The following SPTBN1 variants were observed in gnomAD, a reference collection of about 807,000 sequenced individuals.
SPTBN1 encodes spectrin beta, non-erythrocytic 1.
SPTBN1 carries 32 observed loss-of-function variants against 266.4 expected under a neutral mutation model. The observed-to-expected ratio is 0.12, with a 90% CI of 0.09 to 0.16. The LOEUF (loss-of-function observed/expected upper bound fraction) is 0.16. SPTBN1 is among the 10% of genes least tolerant of loss of function. The probability of loss-of-function intolerance (pLI) is 1.00; values close to 1 mark genes in which losing one functional copy is unlikely to be tolerated. For missense variants in SPTBN1, 2,296 were observed against 3,067.1 expected, an observed-to-expected ratio of 0.75 and a Z score of 5.94; for synonymous variants, 1,336 against 1,162.2, an observed-to-expected ratio of 1.15 and a Z score of -3.04.
chr2:54,490,971 C>T (rs994265455), intron 1 of SPTBN1, among the ~76,000 whole-genome samples: 2 of 152,138 alleles, frequency 1.3e-5, no homozygotes, highest in South Asian at 4.2e-4. Context: ...GAGGTTTTAC[C>T]CAAAAGACAA....
At chr2:54,598,797 G>C (rs1676276174) in intron 2 of SPTBN1, among the ~76,000 whole-genome samples, 1 of 152,200 alleles carries the variant, frequency 6.6e-6, no homozygotes, top group South Asian at 2.1e-4. Context: ...TGCTGGCAGT[G>C]TGCCTGGGAG....
Position 54,630,011 on chromosome 2 carries a change from A to T in SPTBN1, c.2789A>T (p.Gln930Leu). The change falls in exon 15 of 36, where the codon CAG becomes CTG. Residue 930 changes from glutamine to leucine, a missense_variant. Physicochemically the swap from Gln to Leu is moderately radical, Grantham distance 113. This residue lies in a region of SPTBN1 where 128 missense variants were observed against 176.5 expected (regional missense o/e 0.73). Coordinates refer to ENST00000356805, the MANE Select transcript of SPTBN1 (RefSeq NM_003128.3). ...HPSEKEIKAQ[Q>L]DKLNTRWSQF... The stretch of plus-strand genomic sequence containing the variant: ...AGTGAGAAGGAAATCAAAGCCCAGC[A>T]GGACAAACTCAACACAAGGTGAGCA... 1 of 1,614,010 alleles carries T rather than the reference A, an allele frequency of 6.2e-7. No individual in the cohort carries two copies. The highest frequency in any genetic ancestry group is 8.5e-7 in the Non-Finnish European group (1 of 1,179,964).
At chr2:54,623,888 T>C (rs1424949959) in intron 10 of SPTBN1, among the ~76,000 whole-genome samples, 1 of 152,254 alleles carries the variant, frequency 6.6e-6, no homozygotes, top group Non-Finnish European at 1.5e-5. Context: ...CTGAGGCAAT[T>C]GTTTCAAACA....
intron 1 of SPTBN1, among the ~76,000 whole-genome samples, chr2:54,468,607 G>C (rs1051376510): frequency 3.9e-5 from 6 of 152,160 alleles, no homozygotes; most frequent in African/African-American, 1.4e-4. Flanking sequence ...ACTATCTGTT[G>C]CCCTGAGCTG....
Position 54,668,335 on chromosome 2 carries a change from CCCTT to C in SPTBN1, c.6877-12_6877-9del, listed in dbSNP as rs762917838. On this transcript the variant is annotated splice_polypyrimidine_tract_variant and intron_variant, in intron 35 of 35. Transcript: ENST00000356805. ...ACTCTTAGTTGAGTCTCACCTGTGTCCCTTCCTCTGTCCAGGAGGAAATGAACAC... is the reference window on the plus strand; with the variant it reads ...ACTCTTAGTTGAGTCTCACCTGTGTCCCTCTGTCCAGGAGGAAATGAACAC... 7.9e-5 allele frequency: 128 copies of C among 1,612,630 alleles called. No individual in the cohort carries two copies. The highest frequency in any genetic ancestry group is 1.0e-4 in the Non-Finnish European group (123 of 1,178,734).
chr2:54,478,217 C>T lies in SPTBN1; in HGVS notation c.-48+21699C>T, dbSNP rs139134853. On this transcript the variant is annotated intron_variant, in intron 1 of 35. Coordinates refer to ENST00000356805, the MANE Select transcript of SPTBN1 (RefSeq NM_003128.3). ...GCCCTTGTCTGTGGCAGGTCTTCCC[C>T]GGGGAAGAGATTTCACTCTCTTATG... Among the ~76,000 whole-genome samples the T allele has an allele frequency of 3.3e-4, 50 of 152,188 alleles. 1 individual carries two copies. The East Asian group carries it at 7.9e-3, about 24-fold the overall frequency.
intron 17 of SPTBN1, among the ~76,000 whole-genome samples, chr2:54,636,266 T>TA (rs1303034461): frequency 6.6e-5 from 10 of 152,292 alleles, no homozygotes; most frequent in African/African-American, 2.2e-4. Flanking sequence ...CCTTTCAACT[T>TA]AAAAAAATTA....
chr2:54,498,133 G>A (rs1270028204), intron 1 of SPTBN1, among the ~76,000 whole-genome samples: 1 of 152,186 alleles, frequency 6.6e-6, no homozygotes, highest in African/African-American at 2.4e-5. Flanking sequence ...ACAGCATGGA[G>A]TTGGAACTTC....
At position 54,660,076 on chromosome 2, in the gene SPTBN1, C is replaced by G. The variant is rs556375468; in HGVS notation, c.6420+77C>G. 4.8e-5 allele frequency: 77 copies of G among 1,614,224 alleles called. No homozygotes were observed. The South Asian group carries it at 8.1e-4, about 17-fold the overall frequency. On this transcript the variant is annotated intron_variant, in intron 32 of 35. Transcript: ENST00000356805. Reference sequence around the variant, plus strand: ...CGGACAGCCAGTGACCAGCCATGGTCTGGACTGTGAAGTTCACTACCATTT... The same window carrying G: ...CGGACAGCCAGTGACCAGCCATGGTGTGGACTGTGAAGTTCACTACCATTT...
intron 1 of SPTBN1, among the ~76,000 whole-genome samples, chr2:54,498,568 T>C (rs188428692): frequency 6.6e-6 from 1 of 152,314 alleles, no homozygotes; most frequent in Non-Finnish European, 1.5e-5. Context: ...AATGAGTTAA[T>C]ATTTGTAAAG....
At chr2:54,552,829 G>A (rs578004523) in intron 2 of SPTBN1, among the ~76,000 whole-genome samples, 187 of 152,300 alleles carry the variant, frequency 1.2e-3, no homozygotes, top group Admixed American at 1.8e-3. Context: ...TTACATGGGC[G>A]GTACTCTGTA....
Position 54,471,800 on chromosome 2 carries a change from A to ATTTTTTTTTTTTTTTTTTTTTT in SPTBN1, c.-48+15301_-48+15302insTTTTTTTTTTTTTTTTTTTTTT, listed in dbSNP as rs56043354. 8.8e-5 allele frequency among the ~76,000 whole-genome samples: 9 copies of ATTTTTTTTTTTTTTTTTTTTTT among 102,714 alleles called. 1 individual carries two copies. Among genetic ancestry groups the ATTTTTTTTTTTTTTTTTTTTTT allele is most frequent in the Non-Finnish European group, 1.5e-4 (8 of 52,814 alleles). The allele number at this position is 102,714 out of a possible 152,430, so 67.4% of individuals were successfully genotyped here. On this transcript the variant is annotated intron_variant, in intron 1 of 35. Coordinates refer to ENST00000356805, the MANE Select transcript of SPTBN1 (RefSeq NM_003128.3). Reference sequence around the variant, plus strand: ...AGAGGTGCTTTCCTCTTTTTTATCGATTTTTTTTTTTTTTTTTTTGCTGTT... The same window carrying ATTTTTTTTTTTTTTTTTTTTTT: ...AGAGGTGCTTTCCTCTTTTTTATCGATTTTTTTTTTTTTTTTTTTTTTTTTTTTTTTTTTTTTTTTTGCTGTT...
chr2:54,521,745 A>G (rs1025206593), intron 1 of SPTBN1, among the ~76,000 whole-genome samples: 1 of 152,172 alleles, frequency 6.6e-6, no homozygotes, highest in African/African-American at 2.4e-5. Context: ...GTTGGTCTCA[A>G]ACTCCTGGGC....
At position 54,643,377 on chromosome 2, in the gene SPTBN1, G is replaced by A. The variant is rs1214841513; in HGVS notation, c.4005+248G>A. 5.9e-5 allele frequency among the ~76,000 whole-genome samples: 9 copies of A among 152,218 alleles called. No homozygotes were observed. In the South Asian group the frequency reaches 8.3e-4, roughly 14 times the overall value. ...TCGTAGAACGAATACTAGGCATTTA[G>A]TTTCTGTTGTGCCTCTCATCTGCTG... On this transcript the variant is annotated intron_variant, in intron 19 of 35. Coordinates refer to ENST00000356805, the MANE Select transcript of SPTBN1 (RefSeq NM_003128.3).
In SPTBN1 at chr2:54,645,193, CTG is replaced by C; in HGVS notation, c.4270-33_4270-32del. The C allele has an allele frequency of 6.2e-7, 1 of 1,609,936 alleles. No individual in the cohort carries two copies. Among genetic ancestry groups the C allele is most frequent in the Non-Finnish European group, 8.5e-7 (1 of 1,176,602 alleles). On this transcript the variant is annotated intron_variant, in intron 20 of 35. Coordinates refer to ENST00000356805, the MANE Select transcript of SPTBN1 (RefSeq NM_003128.3). This position sits in a 1 kb window ranked among gnomAD's most constrained non-coding sequence, Gnocchi z 4.3. ...AGAGCCAGTCACTGCAAAAGATAGT[CTG>C]TGCTGAGCGCTGAGGCTGCTTCTCT...
intron 1 of SPTBN1, among the ~76,000 whole-genome samples, chr2:54,465,891 G>A (rs1187843248): frequency 6.6e-6 from 1 of 151,960 alleles, no homozygotes; most frequent in Non-Finnish European, 1.5e-5. Context: ...TTGGTACTTT[G>A]TGAAATGTAG....
chr2:54,499,272 T>C (rs1669130600), intron 1 of SPTBN1, among the ~76,000 whole-genome samples: 1 of 152,256 alleles, frequency 6.6e-6, no homozygotes, highest in South Asian at 2.1e-4. Context: ...AAACTAATGT[T>C]GCTTCCTCCA....
intron 16 of SPTBN1, 36 bp downstream of exon 16, chr2:54,631,647 A>G (rs1228163343): frequency 6.3e-7 from 1 of 1,584,196 alleles, no homozygotes. Flanking sequence ...CCTTTCGGTG[A>G]AAGCAGCCCT....
chr2:54,650,606 A>G (rs1241211987), intron 26 of SPTBN1, among the ~76,000 whole-genome samples: 1 of 152,210 alleles, frequency 6.6e-6, no homozygotes, highest in Non-Finnish European at 1.5e-5. Flanking sequence ...AGAAGAAGCC[A>G]ATTTTATTAA....
Sources: gnomAD v4.1 joint callset for allele counts (sites outside exome capture counted in the v4.1 genomes callset) on GRCh38, gnomAD v4.1.1 for gene constraint, gnomAD v4.1.1 regional missense constraint, Gnocchi (gnomAD v3.1) non-coding constraint, MANE v1.5 for transcripts, NCBI Gene and HGNC (gene_info 2026-07-23, HGNC 2026-07-21) for gene names.